LPP: variants seen among roughly 807,000 people sequenced by gnomAD.
LPP encodes the protein LIM domain containing preferred translocation partner in lipoma.
In LPP, 38 loss-of-function variants were observed where a neutral mutation model predicts 60.4. The observed-to-expected ratio is 0.63, with a 90% CI of 0.49 to 0.83. The LOEUF (loss-of-function observed/expected upper bound fraction) is 0.83, where lower values mean the gene tolerates loss of function less well. LPP is among the 40% of genes least tolerant of loss of function. The probability of loss-of-function intolerance (pLI) is 0.00; values close to 1 mark genes in which losing one functional copy is unlikely to be tolerated. For synonymous variants in LPP, 328 were observed against 290.8 expected, an observed-to-expected ratio of 1.13 and a Z score of -1.30; for missense variants, 902 against 783.6, an observed-to-expected ratio of 1.15 and a Z score of -1.80.
intron 5 of LPP, among the ~76,000 whole-genome samples, chr3:188,514,651 A>G (rs1816804277): frequency 6.6e-6 from 1 of 152,152 alleles, no homozygotes; most frequent in South Asian, 2.1e-4. Context: ...CATGTTGGCC[A>G]GGCTGGTCTT....
intron 9 of LPP, among the ~76,000 whole-genome samples, chr3:188,834,905 G>C (rs1180671051): frequency 6.6e-6 from 1 of 152,126 alleles, no homozygotes; most frequent in Non-Finnish European, 1.5e-5. Flanking sequence ...ACAGTTCATA[G>C]AGCATGACAA....
chr3:188,362,255 T>C (rs7640386), intron 3 of LPP, among the ~76,000 whole-genome samples: 47,234 of 152,086 alleles, frequency 0.31, 8,045 homozygotes, highest in East Asian at 0.61. Flanking sequence ...TTAAACTATT[T>C]ATAGCTGAGG....
chr3:188,718,049 G>A (rs1577177771), intron 8 of LPP, among the ~76,000 whole-genome samples: 3 of 152,130 alleles, frequency 2.0e-5, no homozygotes, highest in Admixed American at 1.3e-4. Context: ...TCGAACTCCC[G>A]ACCTCAGGTG....
At chr3:188,397,133 A>G (rs2148760842) in intron 3 of LPP, among the ~76,000 whole-genome samples, 2 of 152,216 alleles carry the variant, frequency 1.3e-5, no homozygotes, top group South Asian at 4.2e-4. Flanking sequence ...TACCTACCCC[A>G]TCTAGTTATA....
chr3:188,245,135 CAG>C (rs1289747742), intron 2 of LPP, among the ~76,000 whole-genome samples: 2 of 152,038 alleles, frequency 1.3e-5, no homozygotes, highest in East Asian at 3.9e-4. Flanking sequence ...TCTTTTGAAA[CAG>C]AGTCTTGCTC....
chr3:188,754,364 C>T (rs1560159338), intron 8 of LPP, among the ~76,000 whole-genome samples: 2 of 152,166 alleles, frequency 1.3e-5, no homozygotes, highest in East Asian at 3.9e-4. Flanking sequence ...AGGGAGAATA[C>T]TCTCTCTGGT....
At chr3:188,528,564 C>A (rs1821299768) in intron 6 of LPP, among the ~76,000 whole-genome samples, 1 of 152,170 alleles carries the variant, frequency 6.6e-6, no homozygotes, top group African/African-American at 2.4e-5. Context: ...CACACAAATT[C>A]ATCATCACTG....
At chr3:188,353,327 C>T (rs1180561975) in intron 3 of LPP, among the ~76,000 whole-genome samples, 2 of 152,020 alleles carry the variant, frequency 1.3e-5, no homozygotes, top group African/African-American at 2.4e-5. Context: ...TAGTTGGATT[C>T]GGATGACCTC....
At chr3:188,563,027 G>A (rs976258068) in intron 6 of LPP, among the ~76,000 whole-genome samples, 50 of 151,856 alleles carry the variant, frequency 3.3e-4, no homozygotes, top group African/African-American at 1.1e-3. Context: ...AAGTCTAGGA[G>A]GTTGCCTGGC....
At chr3:188,453,052 C>T (rs1452959165) in intron 4 of LPP, among the ~76,000 whole-genome samples, 1 of 152,136 alleles carries the variant, frequency 6.6e-6, no homozygotes, top group Non-Finnish European at 1.5e-5. Flanking sequence ...GTGGACCAAC[C>T]TCTCTCGGGT....
chr3:188,420,672 C>T (rs1787551366), intron 4 of LPP, among the ~76,000 whole-genome samples: 2 of 152,038 alleles, frequency 1.3e-5, no homozygotes, highest in South Asian at 4.1e-4. Flanking sequence ...TCTTAACTTA[C>T]CCATTAAGAA....
At chr3:188,341,408 G>A (rs749846204) in intron 2 of LPP, among the ~76,000 whole-genome samples, 7 of 152,204 alleles carry the variant, frequency 4.6e-5, no homozygotes, top group Non-Finnish European at 1.0e-4. Flanking sequence ...TTTCTGTAAA[G>A]TTAATCATGA....
chr3:188,629,637 T>G lies in LPP; in HGVS notation c.1113+19793T>G, dbSNP rs1302474069. ...GAAAAAAATCAATATTGTTAAAATTTGGGGCAGTCATACTGGCCGAAGCAA... is the reference window on the plus strand; with the variant it reads ...GAAAAAAATCAATATTGTTAAAATTGGGGGCAGTCATACTGGCCGAAGCAA... On this transcript the variant is annotated intron_variant, in intron 7 of 11. Transcript: ENST00000617246. Among the ~76,000 whole-genome samples, 5 of 152,022 alleles carry G rather than the reference T, an allele frequency of 3.3e-5. No individual in the cohort carries two copies. The East Asian group carries it at 9.6e-4, about 29-fold the overall frequency.
At chr3:188,812,177 G>T (rs1017951067) in intron 9 of LPP, among the ~76,000 whole-genome samples, 9 of 152,040 alleles carry the variant, frequency 5.9e-5, no homozygotes, top group African/African-American at 1.9e-4. Context: ...TCATATAGTT[G>T]ATGATCTAAG....
At chr3:188,226,223 G>T (rs2149325804) in intron 2 of LPP, among the ~76,000 whole-genome samples, 1 of 152,174 alleles carries the variant, frequency 6.6e-6, no homozygotes, top group South Asian at 2.1e-4. Context: ...TGGCCAGGCT[G>T]GTCTTGAACT....
intron 8 of LPP, among the ~76,000 whole-genome samples, chr3:188,727,962 T>C (rs7640248): frequency 0.012 from 1,835 of 152,288 alleles, 49 homozygotes; most frequent in African/African-American, 0.043. Flanking sequence ...TGCTATCCTT[T>C]CTGTGTCATT....
In LPP at chr3:188,742,811, T is replaced by C. The variant is rs74908680; in HGVS notation, c.1241-17302T>C. Among the ~76,000 whole-genome samples, 166 of 152,300 alleles carry C rather than the reference T, an allele frequency of 1.1e-3. 1 individual carries two copies. The highest frequency in any genetic ancestry group is 3.7e-3 in the African/African-American group (155 of 41,566). ...AGTTAAAATGGTTTTATTTATTGCA[T>C]TTAGATTATACCTCAACAAAGGTGG... On this transcript the variant is annotated intron_variant, in intron 8 of 11. Transcript: ENST00000617246.
intron 2 of LPP, among the ~76,000 whole-genome samples, chr3:188,300,626 A>G (rs1007866402): frequency 6.6e-6 from 1 of 152,218 alleles, no homozygotes; most frequent in African/African-American, 2.4e-5. Flanking sequence ...GACTACAGCA[A>G]AACATATTAG....
chr3:188,854,248 A>G (rs1310160494), intron 9 of LPP, among the ~76,000 whole-genome samples: 1 of 152,196 alleles, frequency 6.6e-6, no homozygotes, highest in Admixed American at 6.5e-5. Context: ...GTTAATCTAA[A>G]TCACTTTTGG....
Sources: gnomAD v4.1 joint callset for allele counts (sites outside exome capture counted in the v4.1 genomes callset) on GRCh38, gnomAD v4.1.1 for gene constraint, MANE v1.5 for transcripts, NCBI Gene and HGNC (gene_info 2026-07-23, HGNC 2026-07-21) for gene names.